Variants in KHDRBS2 observed in about 807,000 individuals in gnomAD.
KHDRBS2 encodes KH RNA binding domain containing, signal transduction associated 2, also known as KH domain-containing, RNA-binding, signal transduction-associated protein 2.
KHDRBS2 carries 26 observed loss-of-function variants against 44.3 expected under a neutral mutation model. The ratio of observed to expected loss-of-function variants is 0.59; its 90% CI spans 0.43 to 0.81. The LOEUF (loss-of-function observed/expected upper bound fraction) is 0.81, where lower values mean the gene tolerates loss of function less well. KHDRBS2 is among the 40% of genes least tolerant of loss of function. The pLI is 0.00. For missense variants in KHDRBS2, 476 were observed against 433.1 expected (o/e 1.10, Z -0.88); for synonymous variants, 194 against 151.1 (o/e 1.28, Z -2.08).
intron 4 of KHDRBS2, among the ~76,000 whole-genome samples, chr6:61,962,602 A>T (rs1768987620): frequency 6.6e-6 from 1 of 152,094 alleles, no homozygotes; most frequent in Non-Finnish European, 1.5e-5. Flanking sequence ...TTAAACTTGT[A>T]AAATTTGGGG....
intron 4 of KHDRBS2, among the ~76,000 whole-genome samples, chr6:61,945,150 T>TATATATATACACACACAC (rs371595813): frequency 3.4e-5 from 3 of 86,996 alleles, no homozygotes; most frequent in African/African-American, 1.3e-4. Context: ...TATATATATA[T>TATATATATACACACACAC]ACACACAGAC....
At chr6:61,659,916 A>C in the KHDRBS2 span, among the ~76,000 whole-genome samples, 1 of 151,820 alleles carries the variant, frequency 6.6e-6, no homozygotes, top group African/African-American at 2.4e-5. Flanking sequence ...GGGAAATAAA[A>C]TACTTGCCTC....
intron 6 of KHDRBS2, among the ~76,000 whole-genome samples, chr6:61,850,965 A>T (rs1243754064): frequency 6.6e-6 from 1 of 152,118 alleles, no homozygotes; most frequent in African/African-American, 2.4e-5. Context: ...TTGTCTAAGA[A>T]ATAGAAAACC....
chr6:61,722,913 G>A (rs1772909837), intron 7 of KHDRBS2, among the ~76,000 whole-genome samples: 1 of 151,980 alleles, frequency 6.6e-6, no homozygotes, highest in Admixed American at 6.6e-5. Context: ...GTTTCACCAT[G>A]TTAGCCAGGA....
intron 6 of KHDRBS2, among the ~76,000 whole-genome samples, chr6:61,858,665 C>T (rs1178703141): frequency 6.6e-6 from 1 of 151,834 alleles, no homozygotes; most frequent in South Asian, 2.1e-4. Context: ...TTTTGCTTAA[C>T]TTTTACTGAA....
chr6:61,966,075 A>G (rs1769869218), intron 4 of KHDRBS2, among the ~76,000 whole-genome samples: 1 of 151,944 alleles, frequency 6.6e-6, no homozygotes, highest in South Asian at 2.1e-4. Flanking sequence ...TATCAGGGGA[A>G]AATAAATCTC....
chr6:62,172,843 T>C (rs549837783), intron 2 of KHDRBS2, among the ~76,000 whole-genome samples: 1 of 151,514 alleles, frequency 6.6e-6, no homozygotes, highest in Non-Finnish European at 1.5e-5. Context: ...GACTTTTGAG[T>C]GAACAATGAA....
intron 3 of KHDRBS2, 92 bp from the exon 4 acceptor site, chr6:61,978,304 G>A: frequency 1.0e-6 from 1 of 982,896 alleles, no homozygotes; most frequent in Non-Finnish European, 1.5e-6. Flanking sequence ...TATAATTTAA[G>A]CAAATTTTCC....
At chr6:62,254,303 A>C (rs141590008) in intron 1 of KHDRBS2, among the ~76,000 whole-genome samples, 2 of 152,080 alleles carry the variant, frequency 1.3e-5, no homozygotes, top group African/African-American at 4.8e-5. Flanking sequence ...TTCATTCAAC[A>C]AATATTTGAA....
chr6:62,156,639 T>TTTTG (rs537577710), intron 2 of KHDRBS2, among the ~76,000 whole-genome samples: 1 of 152,090 alleles, frequency 6.6e-6, no homozygotes, highest in Non-Finnish European at 1.5e-5. Context: ...ATTTTGTAGC[T>TTTTG]TTTGTTTGTT....
chr6:62,063,918 C>A (rs1382734942), intron 2 of KHDRBS2, among the ~76,000 whole-genome samples: 1 of 137,952 alleles, frequency 7.2e-6, no homozygotes, highest in Non-Finnish European at 1.6e-5. Context: ...AGCTGATAAG[C>A]AACTTCAGCA....
intron 6 of KHDRBS2, among the ~76,000 whole-genome samples, chr6:61,768,689 C>G (rs1252124495): frequency 6.6e-6 from 1 of 151,978 alleles, no homozygotes; most frequent in African/African-American, 2.4e-5. Context: ...TTTTTTAGCT[C>G]CACCACATGG....
chr6:62,014,674 T>C (rs1053949817), intron 3 of KHDRBS2, among the ~76,000 whole-genome samples: 6 of 152,162 alleles, frequency 3.9e-5, no homozygotes, highest in African/African-American at 1.4e-4. Flanking sequence ...AAAGATTAAC[T>C]GAATAATTTC....
chr6:61,954,841 T>TATAC (rs776738370), intron 4 of KHDRBS2, among the ~76,000 whole-genome samples: 3 of 78,786 alleles, frequency 3.8e-5, no homozygotes, highest in Admixed American at 2.7e-4. Flanking sequence ...CATATGTATG[T>TATAC]ATACATATGC....
chr6:61,575,150 A>G, the KHDRBS2 span, among the ~76,000 whole-genome samples: 3 of 152,368 alleles, frequency 2.0e-5, no homozygotes, highest in South Asian at 2.1e-4. Flanking sequence ...GCACAGAGAA[A>G]GAAATAATCA....
intron 1 of KHDRBS2, among the ~76,000 whole-genome samples, chr6:62,255,605 A>AAC (rs60498757): frequency 0.011 from 1,461 of 137,462 alleles, 11 homozygotes; most frequent in Middle Eastern, 0.033. Context: ...CATGCTTTAA[A>AAC]ACACACACAC....
At chr6:62,032,781 T>C (rs1562685545) in intron 3 of KHDRBS2, among the ~76,000 whole-genome samples, 1 of 151,814 alleles carries the variant, frequency 6.6e-6, no homozygotes, top group East Asian at 1.9e-4. Context: ...CTATAATATA[T>C]ACCTAACTCT....
At chr6:61,998,197 A>C (rs1777577476) in intron 3 of KHDRBS2, among the ~76,000 whole-genome samples, 1 of 152,224 alleles carries the variant, frequency 6.6e-6, no homozygotes, top group Non-Finnish European at 1.5e-5. Context: ...CTCAAAAGCC[A>C]TGAGTAAAAT....
At chr6:61,949,502 C>T (rs1178012579) in intron 4 of KHDRBS2, among the ~76,000 whole-genome samples, 1 of 152,088 alleles carries the variant, frequency 6.6e-6, no homozygotes. Flanking sequence ...TATGCTATAA[C>T]TTAAAGGCTA....
Sources: allele counts gnomAD v4.1 joint callset (sites outside exome capture counted in the v4.1 genomes callset), GRCh38; gene constraint gnomAD v4.1.1; transcripts MANE v1.5; gene names NCBI Gene and HGNC (gene_info 2026-07-23, HGNC 2026-07-21).